The following LAMA1 variants were observed in gnomAD, a reference collection of about 807,000 sequenced individuals.
LAMA1 encodes the protein laminin subunit alpha-1.
In LAMA1, 219 loss-of-function variants were observed where a neutral mutation model predicts 348.7. That is an observed-to-expected ratio of 0.63 (90% CI 0.56 to 0.70). The LOEUF (loss-of-function observed/expected upper bound fraction) is 0.70. LAMA1 is among the 30% of genes least tolerant of loss of function. LAMA1 has a pLI of 0.00. For missense variants in LAMA1, 3,744 were observed against 3,888.0 expected, an observed-to-expected ratio of 0.96 and a Z score of 0.99; for synonymous variants, 1,487 against 1,491.0, an observed-to-expected ratio of 1.00 and a Z score of 0.06.
At position 7,002,374 on chromosome 18, in the gene LAMA1, A is replaced by AT; in HGVS notation, c.4271dup (p.Asp1424GlufsTer2). The AT allele has an allele frequency of 6.2e-7, 1 of 1,613,682 alleles. No homozygotes were observed. The highest frequency in any genetic ancestry group is 8.5e-7 in the Non-Finnish European group (1 of 1,180,030). ...CATCACAATGGTCACCTGCTGTGTTATCGCCACAGTTCTGGGAGCCCACAT... is the reference window on the plus strand; with the variant it reads ...CATCACAATGGTCACCTGCTGTGTTATTCGCCACAGTTCTGGGAGCCCACAT... On this transcript the variant is annotated frameshift_variant, in exon 30 of 63. Transcript: ENST00000389658. LOFTEE classifies it high-confidence loss of function.
At position 6,943,258 on chromosome 18, in the gene LAMA1, C is replaced by G. The variant is rs777813445; in HGVS notation, c.8989G>C (p.Ala2997Pro). 6.2e-7 allele frequency: 1 copy of G among 1,614,196 alleles called. No individual in the cohort carries two copies. The highest frequency in any genetic ancestry group is 8.5e-7 in the Non-Finnish European group (1 of 1,180,056). Residue 2997 changes from alanine to proline, a missense_variant, in exon 62 of 63, where the codon GCA becomes CCA. Transcript: ENST00000389658. ...HRITLIVDGN[A>P]VGAESPHTQS... Reference sequence around the variant, plus strand: ...GTGTGTGGACTTTCAGCGCCAACTGCGTTCCCGTCAACAATCAGAGTGATA... The same window carrying G: ...GTGTGTGGACTTTCAGCGCCAACTGGGTTCCCGTCAACAATCAGAGTGATA...
chr18:6,983,631 A>G (rs1007486454), intron 39 of LAMA1, among the ~76,000 whole-genome samples: 1 of 152,224 alleles, frequency 6.6e-6, no homozygotes, highest in South Asian at 2.1e-4. Context: ...GGTAACCTCC[A>G]AGAAGTGTTT....
Position 7,115,819 on chromosome 18 carries a change from A to AAAAAAAAC in LAMA1, c.61+1840_61+1841insGTTTTTTT, listed in dbSNP as rs1568075549. 1.1e-4 allele frequency among the ~76,000 whole-genome samples: 6 copies of AAAAAAAAC among 53,800 alleles called. No homozygotes were observed. The East Asian group carries it at 6.7e-3, about 60-fold the overall frequency. 35.3% of individuals were successfully genotyped at this position (53,800 alleles called of 152,430 possible). ...CCCTGTCTCCACTAAAAATACAAAAAAAAAAAAAAAAAAATAGCCGGGCGT... is the reference window on the plus strand; with the variant it reads ...CCCTGTCTCCACTAAAAATACAAAAAAAAAAAACAAAAAAAAAAAAAATAGCCGGGCGT... On this transcript the variant is annotated intron_variant, in intron 1 of 62. Coordinates refer to ENST00000389658, the MANE Select transcript of LAMA1 (RefSeq NM_005559.4).
At chr18:6,964,297 G>C (rs1432103852) in intron 51 of LAMA1, among the ~76,000 whole-genome samples, 2 of 152,188 alleles carry the variant, frequency 1.3e-5, no homozygotes, top group Admixed American at 1.3e-4. Flanking sequence ...CCTTATGTGT[G>C]AATGTGGCCT....
chr18:7,097,021 C>G lies in LAMA1; in HGVS notation c.62-16564G>C, dbSNP rs373614627. On this transcript the variant is annotated intron_variant, in intron 1 of 62. Transcript: ENST00000389658. ...ACTGATGGAGAAGGCTGGCTTGATT[C>G]AGAGCAGAGCAGAAGCACATGCCTA... Among the ~76,000 whole-genome samples the G allele has an allele frequency of 1.6e-4, 24 of 152,080 alleles. 1 individual carries two copies. Among genetic ancestry groups the G allele is most frequent in the African/African-American group, 5.8e-4 (24 of 41,418 alleles).
At chr18:7,097,844 C>CT (rs1270747327) in intron 1 of LAMA1, among the ~76,000 whole-genome samples, 4 of 151,176 alleles carry the variant, frequency 2.6e-5, no homozygotes, top group African/African-American at 9.7e-5. Flanking sequence ...CCTCTCCCCT[C>CT]TCCCCTCTCC....
chr18:6,988,734 G>T lies in LAMA1; in HGVS notation c.5169-2387C>A, dbSNP rs552604290. On this transcript the variant is annotated intron_variant, in intron 36 of 62. Coordinates refer to ENST00000389658, the MANE Select transcript of LAMA1 (RefSeq NM_005559.4). ...AGGAGGGAGAATCGCTTGAACCCGG[G>T]AGGCGGAAGCTGCAGTGAGCTAAGA... Among the ~76,000 whole-genome samples the T allele has an allele frequency of 2.0e-5, 3 of 151,256 alleles. No homozygotes were observed. In the South Asian group the frequency reaches 6.3e-4, roughly 32 times the overall value.
At chr18:7,011,634 A>G (rs2057861065) in intron 24 of LAMA1, among the ~76,000 whole-genome samples, 155 bp from the exon 25 acceptor site, 1 of 152,258 alleles carries the variant, frequency 6.6e-6, no homozygotes. Context: ...CATCTGGAAG[A>G]AAATGAACTG....
Position 6,983,110 on chromosome 18 carries a change from C to A in LAMA1, c.5785G>T (p.Glu1929Ter). ...ACGTCGTTTCCTACCAGGCTCGTCT[C>A]AGTCACAGTCCTGTGAGCATCTCTG... ...LARDAHRTVT[E>*]TSLLSESLVS... Residue 1929 changes from glutamate to a stop codon, truncating the protein, a stop_gained, in exon 40 of 63, where the codon GAG (glutamate) becomes TAG (stop). Transcript: ENST00000389658. LOFTEE classifies it high-confidence loss of function. 6.2e-7 allele frequency: 1 copy of A among 1,614,166 alleles called. No homozygotes were observed. The highest frequency in any genetic ancestry group is 1.1e-5 in the South Asian group (1 of 91,088).
At chr18:7,038,249 G>A (rs1474840498) in intron 11 of LAMA1, among the ~76,000 whole-genome samples, 2 of 152,032 alleles carry the variant, frequency 1.3e-5, no homozygotes, top group East Asian at 1.9e-4. Flanking sequence ...AGTCCCTACC[G>A]AGCAGCTCCT....
chr18:7,098,747 A>G (rs373990185), intron 1 of LAMA1, among the ~76,000 whole-genome samples: 1,144 of 73,746 alleles, frequency 0.016, 23 homozygotes, highest in African/African-American at 0.018. Flanking sequence ...CCGGCCAGCC[A>G]CCCCGTCCAG....
chr18:7,033,496 G>A (rs1405600034), intron 14 of LAMA1, among the ~76,000 whole-genome samples: 4 of 151,490 alleles, frequency 2.6e-5, no homozygotes, highest in African/African-American at 9.7e-5. Flanking sequence ...AAAGGGTGAT[G>A]TGATTTTTGT....
chr18:6,997,842 T>C lies in LAMA1; in HGVS notation c.4706A>G (p.Asp1569Gly). The change falls in exon 33 of 63, where the codon GAT becomes GGT. Residue 1569 changes from aspartate to glycine, a missense_variant. Around this residue, in one of 3 missense-constraint regions of LAMA1, gnomAD observed 1,983 missense variants for 1,934.3 expected, o/e 1.03. Coordinates refer to ENST00000389658, the MANE Select transcript of LAMA1 (RefSeq NM_005559.4). Reference sequence around the variant, plus strand: ...AGAAAGAACGGCATCACCAATCTCATCCAAGTCATTCAGCAGCACACCTAC... The same window carrying C: ...AGAAAGAACGGCATCACCAATCTCACCCAAGTCATTCAGCAGCACACCTAC... Reference protein sequence around the residue: ...ECVGVLLNDLDEIGDAVLSLN... With the variant: ...ECVGVLLNDLGEIGDAVLSLN... The C allele has an allele frequency of 1.2e-6, 2 of 1,614,106 alleles. No individual in the cohort carries two copies.
chr18:7,068,104 C>T (rs762252236), intron 3 of LAMA1, among the ~76,000 whole-genome samples: 7 of 152,174 alleles, frequency 4.6e-5, no homozygotes, highest in East Asian at 3.9e-4. Context: ...CCACCTGCCT[C>T]GGCTTCCCAA....
At chr18:6,949,764 T>C (rs966206802) in intron 58 of LAMA1, among the ~76,000 whole-genome samples, 6 of 152,198 alleles carry the variant, frequency 3.9e-5, no homozygotes, top group African/African-American at 1.4e-4. Context: ...TCCCCAAAAC[T>C]AACTCCCTCC....
chr18:7,036,473 A>C (rs190784308), intron 12 of LAMA1, among the ~76,000 whole-genome samples: 150 of 152,360 alleles, frequency 9.8e-4, no homozygotes, highest in African/African-American at 3.3e-3. Flanking sequence ...TCCTCCTCAT[A>C]GGACAACAAA....
At chr18:6,955,107 C>G in intron 57 of LAMA1, 1 of 536,330 alleles carries the variant, frequency 1.9e-6, no homozygotes, top group Non-Finnish European at 3.3e-6. Flanking sequence ...TACATGCACA[C>G]AGAAAGGGGA....
chr18:7,080,509 G>A (rs2058189030), intron 1 of LAMA1, 52 bp from the exon 2 acceptor site: 1 of 1,585,562 alleles, frequency 6.3e-7, no homozygotes, highest in South Asian at 1.1e-5. Flanking sequence ...TCCAAAGAAT[G>A]AGCTTACCCC....
chr18:7,086,614 A>G (rs904169751), intron 1 of LAMA1, among the ~76,000 whole-genome samples: 2 of 152,092 alleles, frequency 1.3e-5, no homozygotes, highest in African/African-American at 4.8e-5. Flanking sequence ...TCCTTTTCCA[A>G]AAAATAAAAA....
Sources: gnomAD v4.1 joint callset for allele counts (sites outside exome capture counted in the v4.1 genomes callset) on GRCh38, gnomAD v4.1.1 for gene constraint, gnomAD v4.1.1 regional missense constraint, MANE v1.5 for transcripts, NCBI Gene and HGNC (gene_info 2026-07-23, HGNC 2026-07-21) for gene names.